The following CADM2 variants were observed in gnomAD, a reference collection of about 807,000 sequenced individuals.
The protein encoded by CADM2 is cell adhesion molecule 2, also known as immunoglobulin superfamily member 4D.
CADM2 carries 12 observed loss-of-function variants against 49.8 expected under a neutral mutation model. That is an observed-to-expected ratio of 0.24 (90% CI 0.15 to 0.39). CADM2 has a LOEUF of 0.39. Ranked by LOEUF, CADM2 falls within the 10% of genes least tolerant of loss-of-function variation. CADM2 has a pLI of 1.00. For missense variants in CADM2, 378 were observed against 492.3 expected, an observed-to-expected ratio of 0.77 and a Z score of 2.20; for synonymous variants, 214 against 175.4, an observed-to-expected ratio of 1.22 and a Z score of -1.74.
chr3:85,146,410 T>C (rs1172398819), intron 1 of CADM2, among the ~76,000 whole-genome samples: 1 of 152,122 alleles, frequency 6.6e-6, no homozygotes, highest in Admixed American at 6.6e-5. Context: ...CAGTGGCAAA[T>C]GAAAGCAGGT....
chr3:85,062,760 G>T (rs2107449334), intron 1 of CADM2, among the ~76,000 whole-genome samples: 1 of 152,032 alleles, frequency 6.6e-6, no homozygotes, highest in African/African-American at 2.4e-5. Flanking sequence ...ATGTTGCTAT[G>T]ACATGAAAAT....
intron 1 of CADM2, among the ~76,000 whole-genome samples, chr3:85,523,198 T>C (rs572510748): frequency 6.6e-6 from 1 of 152,176 alleles, no homozygotes; most frequent in African/African-American, 2.4e-5. Flanking sequence ...ATCTTGGCAA[T>C]AGAAAGCCTT....
chr3:85,476,290 T>C (rs2038972073), intron 1 of CADM2, among the ~76,000 whole-genome samples: 1 of 151,992 alleles, frequency 6.6e-6, no homozygotes, highest in Admixed American at 6.6e-5. Flanking sequence ...TAGCACAATT[T>C]GAACTTGTCT....
intron 1 of CADM2, among the ~76,000 whole-genome samples, chr3:85,094,425 A>AT (rs760370367): frequency 4.6e-5 from 7 of 152,274 alleles, no homozygotes; most frequent in South Asian, 2.1e-4. Flanking sequence ...ATGCATGCAG[A>AT]TATATAAATA....
intron 1 of CADM2, among the ~76,000 whole-genome samples, chr3:85,236,817 A>G (rs936168752): frequency 1.4e-4 from 21 of 152,046 alleles, no homozygotes; most frequent in African/African-American, 5.1e-4. Flanking sequence ...GGTGACCTCA[A>G]CTAGAGAGAA....
intron 1 of CADM2, among the ~76,000 whole-genome samples, chr3:85,027,960 C>T (rs1468869492): frequency 6.6e-6 from 1 of 152,026 alleles, no homozygotes; most frequent in Non-Finnish European, 1.5e-5. Flanking sequence ...TATATGCATA[C>T]AGAATTTTTT....
At chr3:85,631,429 G>C (rs887927802) in intron 1 of CADM2, among the ~76,000 whole-genome samples, 1 of 152,032 alleles carries the variant, frequency 6.6e-6, no homozygotes, top group Non-Finnish European at 1.5e-5. Context: ...TGCTAAGGTT[G>C]AAATAACATT....
At chr3:85,272,153 C>T (rs2043257767) in intron 1 of CADM2, among the ~76,000 whole-genome samples, 1 of 150,974 alleles carries the variant, frequency 6.6e-6, no homozygotes, top group African/African-American at 2.4e-5. Flanking sequence ...CAGAGAAAGG[C>T]ATGGAAATGA....
chr3:85,134,400 G>A (rs1233253448), intron 1 of CADM2, among the ~76,000 whole-genome samples: 3 of 152,232 alleles, frequency 2.0e-5, no homozygotes, highest in Non-Finnish European at 4.4e-5. Flanking sequence ...GGGCCGTGGG[G>A]ACTGCCAGCA....
intron 1 of CADM2, among the ~76,000 whole-genome samples, chr3:85,649,513 GTT>G (rs1559569072): frequency 2.6e-5 from 4 of 152,148 alleles, no homozygotes; most frequent in Non-Finnish European, 5.9e-5. Context: ...CTTAGTTAGT[GTT>G]ACCTTCTCTA....
At chr3:84,984,478 T>G (rs2032429176) in intron 1 of CADM2, among the ~76,000 whole-genome samples, 1 of 151,490 alleles carries the variant, frequency 6.6e-6, no homozygotes, top group African/African-American at 2.4e-5. Flanking sequence ...TCACCTCTAT[T>G]GCCATAACCT....
chr3:85,648,585 TG>T (rs2107574352), intron 1 of CADM2, among the ~76,000 whole-genome samples: 1 of 152,122 alleles, frequency 6.6e-6, no homozygotes, highest in African/African-American at 2.4e-5. Flanking sequence ...ATTTATTATG[TG>T]GGGCATATAA....
chr3:85,620,572 T>A (rs1464214152), intron 1 of CADM2, among the ~76,000 whole-genome samples: 1 of 152,068 alleles, frequency 6.6e-6, no homozygotes, highest in Non-Finnish European at 1.5e-5. Flanking sequence ...AAATACTGAT[T>A]CTTTATTTTG....
intron 1 of CADM2, among the ~76,000 whole-genome samples, chr3:85,015,727 A>T (rs1246906906): frequency 1.3e-5 from 2 of 152,166 alleles, no homozygotes; most frequent in Non-Finnish European, 2.9e-5. Context: ...AGGGTCATCA[A>T]ATGGCCTCTT....
chr3:85,140,719 A>C (rs1005493366), intron 1 of CADM2, among the ~76,000 whole-genome samples: 2 of 152,228 alleles, frequency 1.3e-5, no homozygotes, highest in Non-Finnish European at 2.9e-5. Flanking sequence ...GTCATTTGAC[A>C]GGTAACATGT....
chr3:85,271,949 T>G (rs2043252780), intron 1 of CADM2, among the ~76,000 whole-genome samples: 1 of 151,262 alleles, frequency 6.6e-6, no homozygotes, highest in African/African-American at 2.4e-5. Context: ...ATTTCATTCT[T>G]CTGTCATATC....
At chr3:85,601,578 A>G (rs1576907223) in intron 1 of CADM2, among the ~76,000 whole-genome samples, 1 of 151,474 alleles carries the variant, frequency 6.6e-6, no homozygotes, top group Admixed American at 6.6e-5. Context: ...TCATATTTGT[A>G]TAGAACAAAA....
chr3:85,110,197 T>C (rs372346131), intron 1 of CADM2, among the ~76,000 whole-genome samples: 2 of 151,876 alleles, frequency 1.3e-5, no homozygotes, highest in African/African-American at 4.8e-5. Flanking sequence ...ATGGGACTAA[T>C]GGTCTAATTA....
At chr3:85,355,790 A>G (rs1425749413) in intron 1 of CADM2, among the ~76,000 whole-genome samples, 2 of 152,040 alleles carry the variant, frequency 1.3e-5, no homozygotes, top group African/African-American at 4.8e-5. Context: ...TTGAGAACAG[A>G]AGGGTCTGTT....
Sources: allele counts gnomAD v4.1 joint callset (sites outside exome capture counted in the v4.1 genomes callset), GRCh38; gene constraint gnomAD v4.1.1; transcripts MANE v1.5; gene names NCBI Gene and HGNC (gene_info 2026-07-23, HGNC 2026-07-21).